The following ENKUR variants were observed in gnomAD, a reference collection of about 807,000 sequenced individuals.
ENKUR encodes the protein enkurin.
A neutral mutation model predicts 27.6 loss-of-function variants in ENKUR; 19 were observed. The ratio of observed to expected loss-of-function variants is 0.69; its 90% CI spans 0.48 to 1.01. ENKUR has a LOEUF of 1.01. Ranked by LOEUF, ENKUR falls within the 50% of genes least tolerant of loss-of-function variation. ENKUR has a pLI of 0.00. For missense variants in ENKUR, 312 were observed against 310.5 expected, an observed-to-expected ratio of 1.00 and a Z score of -0.04; for synonymous variants, 117 against 96.9, an observed-to-expected ratio of 1.21 and a Z score of -1.22.
chr10:24,995,129 C>G (rs1012260958), intron 3 of ENKUR, among the ~76,000 whole-genome samples: 1 of 151,996 alleles, frequency 6.6e-6, no homozygotes, highest in African/African-American at 2.4e-5. Context: ...ACTTTCAAGT[C>G]TTTACCCAAA....
At chr10:25,052,045 A>G (rs1172526042) in intron 2 of ENKUR, among the ~76,000 whole-genome samples, 1 of 152,248 alleles carries the variant, frequency 6.6e-6, no homozygotes, top group Admixed American at 6.5e-5. Context: ...CAATTTAAGC[A>G]CCAAAGAATA....
upstream of ENKUR, among the ~76,000 whole-genome samples, chr10:25,019,971 T>C (rs376540192): frequency 3.9e-5 from 6 of 152,246 alleles, no homozygotes; most frequent in East Asian, 1.2e-3. Flanking sequence ...CGAGTGGCCA[T>C]TGCAGCAGAC....
intron 2 of ENKUR, among the ~76,000 whole-genome samples, chr10:25,038,333 C>T (rs954340917): frequency 6.6e-6 from 1 of 152,220 alleles, no homozygotes; most frequent in Non-Finnish European, 1.5e-5. Context: ...CACTTTCCTA[C>T]CTGTGTTACA....
intron 2 of ENKUR, among the ~76,000 whole-genome samples, chr10:25,060,537 A>C (rs1036942507): frequency 6.6e-6 from 1 of 152,180 alleles, no homozygotes; most frequent in African/African-American, 2.4e-5. Context: ...ATAAGCATAA[A>C]TACACCGAAA....
chr10:25,017,305 G>T (rs1036268356), upstream of ENKUR, among the ~76,000 whole-genome samples: 1 of 152,146 alleles, frequency 6.6e-6, no homozygotes, highest in Non-Finnish European at 1.5e-5. Context: ...TGGGCCTGCC[G>T]TAGGAAAGTC....
intron 2 of ENKUR, among the ~76,000 whole-genome samples, chr10:24,996,240 C>G (rs1056009265): frequency 6.6e-6 from 1 of 152,146 alleles, no homozygotes; most frequent in Non-Finnish European, 1.5e-5. Flanking sequence ...CTCGGCAACA[C>G]AGTGAAACCC....
rs534493076 is a variant in ENKUR, at chr10:25,058,913, G to A, written c.37+2199C>T. ...GCCACTGCACTCCAACCTAGGTGAC[G>A]GAGTGAGACTCCATCTTAAAAAAAA... is the stretch of plus-strand genomic sequence containing the variant. On this transcript the variant is annotated intron_variant, in intron 2 of 5. Coordinates refer to the ENKUR transcript ENST00000615958. Among the ~76,000 whole-genome samples the A allele has an allele frequency of 1.7e-4, 24 of 141,932 alleles. 1 individual carries two copies. In the East Asian group the frequency reaches 4.1e-3, roughly 24 times the overall value. 93.1% of individuals were successfully genotyped at this position (141,932 alleles called of 152,430 possible).
At chr10:25,045,832 A>AG (rs1851115857) in intron 2 of ENKUR, among the ~76,000 whole-genome samples, 2 of 152,202 alleles carry the variant, frequency 1.3e-5, no homozygotes, top group Admixed American at 6.5e-5. Flanking sequence ...TTAAGGGCAG[A>AG]ACCAGTTGTC....
At chr10:25,025,606 A>C (rs1209855696) in intron 2 of ENKUR, 3 of 728,162 alleles carry the variant, frequency 4.1e-6, no homozygotes, top group Non-Finnish European at 6.7e-6. Flanking sequence ...GGCTGACATG[A>C]GAACTCCATG....
At chr10:24,985,631 T>C (rs928205540) in intron 4 of ENKUR, among the ~76,000 whole-genome samples, 3 of 152,246 alleles carry the variant, frequency 2.0e-5, no homozygotes, top group African/African-American at 7.2e-5. Context: ...TTAGGAGCAA[T>C]AAAAGTTATT....
intron 2 of ENKUR, among the ~76,000 whole-genome samples, chr10:25,026,885 T>A (rs536562876): frequency 2.0e-5 from 3 of 152,088 alleles, no homozygotes; most frequent in Non-Finnish European, 4.4e-5. Flanking sequence ...GCTTAGCTTC[T>A]AAAAAGGAGG....
In ENKUR at chr10:25,023,774, A is replaced by G. The variant is rs913693360; in HGVS notation, c.38-27905T>C. On this transcript the variant is annotated intron_variant, in intron 2 of 5. Transcript: ENST00000615958. ...CAGAATTCTGGAACATCTATGAAAG[A>G]CTTACTTAAATTTAGAAGACAGTAT... The G allele has an allele frequency of 2.5e-6, 4 of 1,613,920 alleles. No homozygotes were observed. In the African/African-American group the frequency reaches 4.0e-5, roughly 16 times the overall value.
chr10:25,049,086 C>A (rs1367400706), intron 2 of ENKUR, among the ~76,000 whole-genome samples: 1 of 152,240 alleles, frequency 6.6e-6, no homozygotes, highest in African/African-American at 2.4e-5. Context: ...GTGACCAGGG[C>A]AGCATGTTAT....
At chr10:24,988,651 T>A (rs1849846708) in intron 4 of ENKUR, among the ~76,000 whole-genome samples, 1 of 75,502 alleles carries the variant, frequency 1.3e-5, no homozygotes, top group Non-Finnish European at 2.5e-5. Flanking sequence ...AAATGTAGAG[T>A]GACACAGCAT....
intron 4 of ENKUR, among the ~76,000 whole-genome samples, chr10:24,987,884 G>C (rs1849813343): frequency 6.6e-6 from 1 of 152,062 alleles, no homozygotes. Flanking sequence ...GAACACACTA[G>C]ATATTCAATA....
intron 2 of ENKUR, among the ~76,000 whole-genome samples, chr10:25,045,941 A>C (rs958554627): frequency 6.6e-6 from 1 of 152,208 alleles, no homozygotes; most frequent in African/African-American, 2.4e-5. Flanking sequence ...AGACATAAAT[A>C]TGACTGATAG....
upstream of ENKUR, chr10:25,016,186 C>T: frequency 5.1e-6 from 6 of 1,180,862 alleles, no homozygotes; most frequent in Non-Finnish European, 6.3e-6. Context: ...CGTTACTAGG[C>T]AACGAGGAAG....
At chr10:25,033,307 G>T (rs141448391) in intron 2 of ENKUR, among the ~76,000 whole-genome samples, 6 of 149,396 alleles carry the variant, frequency 4.0e-5, no homozygotes, top group African/African-American at 1.5e-4. Context: ...GTGAGGCTGA[G>T]GCAGGAATAT....
chr10:25,010,460 ATACTT>A (rs1850415902), intron 1 of ENKUR, among the ~76,000 whole-genome samples: 1 of 152,014 alleles, frequency 6.6e-6, no homozygotes, highest in African/African-American at 2.4e-5. Flanking sequence ...TATTATTATT[ATACTT>A]TAAGTTTTAG....
Sources: allele counts gnomAD v4.1 joint callset (sites outside exome capture counted in the v4.1 genomes callset), GRCh38; gene constraint gnomAD v4.1.1; transcripts MANE v1.5; gene names NCBI Gene and HGNC (gene_info 2026-07-23, HGNC 2026-07-21).